Variants in HHIP observed in about 807,000 individuals in gnomAD.
HHIP encodes the protein hedgehog-interacting protein.
A neutral mutation model predicts 74.0 loss-of-function variants in HHIP; 12 were observed. That is an observed-to-expected ratio of 0.16 (90% CI 0.10 to 0.26). The LOEUF is 0.26. Ranked by LOEUF, HHIP falls within the 10% of genes least tolerant of loss-of-function variation. The probability of loss-of-function intolerance (pLI) is 1.00; values close to 1 mark genes in which losing one functional copy is unlikely to be tolerated. For missense variants in HHIP, 788 were observed against 845.0 expected, an observed-to-expected ratio of 0.93 and a Z score of 0.84; for synonymous variants, 309 against 311.6, an observed-to-expected ratio of 0.99 and a Z score of 0.09.
At chr4:144,667,835 A>C (rs1728919065) in intron 4 of HHIP, among the ~76,000 whole-genome samples, 1 of 152,174 alleles carries the variant, frequency 6.6e-6, no homozygotes, top group African/African-American at 2.4e-5. Flanking sequence ...GGATTTGCAA[A>C]GGAAATATAC....
chr4:144,694,657 T>C (rs1333357095), intron 4 of HHIP, among the ~76,000 whole-genome samples: 1 of 151,788 alleles, frequency 6.6e-6, no homozygotes, highest in Non-Finnish European at 1.5e-5. Flanking sequence ...AATATTGTGA[T>C]TTCTTTCTTC....
At chr4:144,686,559 A>G (rs926898667) in intron 4 of HHIP, among the ~76,000 whole-genome samples, 1 of 152,210 alleles carries the variant, frequency 6.6e-6, no homozygotes, top group Non-Finnish European at 1.5e-5. Flanking sequence ...AAATATTAAT[A>G]GTAAAACAAA....
Position 144,734,819 on chromosome 4 carries a change from A to C in HHIP, c.1839A>C (p.Arg613=). 1 of 1,613,182 alleles carries C rather than the reference A, an allele frequency of 6.2e-7. No individual in the cohort carries two copies. The highest frequency in any genetic ancestry group is 8.5e-7 in the Non-Finnish European group (1 of 1,179,342). Residue 613 remains arginine, a synonymous_variant, in exon 12 of 13, where the codon CGA becomes CGC. Transcript: ENST00000296575. ...TLTSECSRLC[R]NGYCTPTGKC... ...CTTCAGAGTGCTCCAGGCTCTGTCG[A>C]AACGGCTACTGCACCCCCACGGGAA...
chr4:144,729,886 C>T (rs1327983326), intron 11 of HHIP, among the ~76,000 whole-genome samples: 1 of 152,144 alleles, frequency 6.6e-6, no homozygotes, highest in Non-Finnish European at 1.5e-5. Context: ...GGACACCTCA[C>T]AAAAATTTCA....
intron 2 of HHIP, among the ~76,000 whole-genome samples, chr4:144,657,660 A>G (rs540817923): frequency 6.6e-6 from 1 of 152,330 alleles, no homozygotes; most frequent in Admixed American, 6.5e-5. Flanking sequence ...TTCATATTCA[A>G]AGATAGCTGT....
rs965622134 is a variant in HHIP, at chr4:144,738,490, A to G, written c.*533A>G. ...TAAAATTGTAATCTTCATTTTTGTCAGTGTATCCAGTTACAGAATGCTACA... is the reference window on the plus strand; with the variant it reads ...TAAAATTGTAATCTTCATTTTTGTCGGTGTATCCAGTTACAGAATGCTACA... On this transcript the variant is annotated 3_prime_UTR_variant, in exon 13 of 13. Transcript: ENST00000296575. 6.1e-6 allele frequency: 6 copies of G among 981,844 alleles called. No homozygotes were observed. The allele number at this position is 981,844 out of a possible 1,614,324, so 60.8% of individuals were successfully genotyped here. A position where few individuals can be genotyped will look rare whatever the true frequency, so the allele number is the denominator to read the frequency against.
chr4:144,734,902 G>C lies in HHIP; in HGVS notation c.1909+13G>C, dbSNP rs1472173. 3.9e-3 allele frequency: 6,235 copies of C among 1,592,380 alleles called. 205 individuals carry two copies. In the African/African-American group the frequency reaches 0.071, roughly 18 times the overall value. On this transcript the variant is annotated intron_variant, in intron 12 of 12. Coordinates refer to ENST00000296575, the MANE Select transcript of HHIP (RefSeq NM_022475.3). ...TTCTGCAGAACTGGTTAGTATTTCTGTTTTCACCTGAAAAGGACTGGGGAT... is the reference window on the plus strand; with the variant it reads ...TTCTGCAGAACTGGTTAGTATTTCTCTTTTCACCTGAAAAGGACTGGGGAT...
intron 11 of HHIP, among the ~76,000 whole-genome samples, chr4:144,723,177 T>C (rs1454830866): frequency 1.1e-4 from 17 of 152,170 alleles, no homozygotes; most frequent in Admixed American, 7.9e-4. Context: ...TCTTGCTATA[T>C]TTTAACATAT....
intron 11 of HHIP, among the ~76,000 whole-genome samples, chr4:144,722,292 C>T (rs1733151451): frequency 6.6e-6 from 1 of 152,148 alleles, no homozygotes; most frequent in South Asian, 2.1e-4. Flanking sequence ...TCTAAATCTT[C>T]CTTAGTGTAG....
At chr4:144,702,149 T>C (rs1340969452) in intron 4 of HHIP, among the ~76,000 whole-genome samples, 2 of 152,092 alleles carry the variant, frequency 1.3e-5, no homozygotes, top group Admixed American at 6.5e-5. Flanking sequence ...TGAAACCATG[T>C]ATAAAAAAAG....
At chr4:144,724,135 A>C (rs1248023076) in intron 11 of HHIP, among the ~76,000 whole-genome samples, 1 of 152,236 alleles carries the variant, frequency 6.6e-6, no homozygotes, top group Non-Finnish European at 1.5e-5. Context: ...AGATGGTAGC[A>C]GCCTGAGTAT....
chr4:144,718,926 GA>G lies in HHIP; in HGVS notation c.1734del (p.Lys578AsnfsTer6). The G allele has an allele frequency of 6.2e-7, 1 of 1,608,464 alleles. No homozygotes were observed. Among genetic ancestry groups the G allele is most frequent in the Non-Finnish European group, 8.5e-7 (1 of 1,175,246 alleles). On this transcript the variant is annotated frameshift_variant, in exon 11 of 13. Coordinates refer to ENST00000296575, the MANE Select transcript of HHIP (RefSeq NM_022475.3). LOFTEE classifies it high-confidence loss of function. ...SSKSMTQTHNGKLYKIVDPKR... is the reference protein window; with the variant it reads ...SSKSMTQTHNXKLYKIVDPKR... Reference sequence around the variant, plus strand: ...AAAAGTATGACCCAGACTCACAATGGAAAACTCTACAAAATTGTAGATCCCA... The same window carrying G: ...AAAAGTATGACCCAGACTCACAATGGAAACTCTACAAAATTGTAGATCCCA...
intron 9 of HHIP, 124 bp downstream of exon 9, chr4:144,714,472 A>G (rs761945192): frequency 2.0e-5 from 18 of 904,820 alleles, no homozygotes; most frequent in Non-Finnish European, 2.9e-5. Flanking sequence ...GAATACACAT[A>G]AATATTATTT....
intron 7 of HHIP, among the ~76,000 whole-genome samples, chr4:144,711,404 T>C (rs530242956): frequency 6.6e-6 from 1 of 152,098 alleles, no homozygotes; most frequent in Non-Finnish European, 1.5e-5. Context: ...ACATGTGCCA[T>C]GGTAGTTTGC....
chr4:144,709,978 G>A (rs572714302), intron 7 of HHIP, among the ~76,000 whole-genome samples: 1 of 152,106 alleles, frequency 6.6e-6, no homozygotes, highest in Non-Finnish European at 1.5e-5. Context: ...TTCACTCTTG[G>A]TGTTGTGAAT....
chr4:144,646,894 C>T lies in HHIP; in HGVS notation c.219C>T (p.Tyr73=). The change falls in exon 1 of 13, where the codon TAC becomes TAT. Residue 73 remains tyrosine, a synonymous_variant. Transcript: ENST00000296575. ...SGGEMLCGGF[Y]PRLSCCLRSD... is the part of the protein sequence containing the mutation. ...GAGAGATGCTGTGCGGTGGCTTCTA[C>T]CCTCGGCTGTCCTGCTGCCTGCGGA... 6.2e-7 allele frequency: 1 copy of T among 1,614,118 alleles called. No individual in the cohort carries two copies. Among genetic ancestry groups the T allele is most frequent in the Non-Finnish European group, 8.5e-7 (1 of 1,179,994 alleles).
intron 4 of HHIP, among the ~76,000 whole-genome samples, chr4:144,678,847 C>T (rs752125588): frequency 1.6e-4 from 24 of 152,170 alleles, no homozygotes; most frequent in African/African-American, 5.6e-4. Context: ...AATAAACATA[C>T]GTGTGCATGT....
At chr4:144,672,395 G>C (rs760123112) in intron 4 of HHIP, among the ~76,000 whole-genome samples, 4 of 152,154 alleles carry the variant, frequency 2.6e-5, no homozygotes, top group African/African-American at 4.8e-5. Flanking sequence ...AGGGAAACAG[G>C]GAAGCAAATT....
chr4:144,682,282 A>G (rs1393612381), intron 4 of HHIP, among the ~76,000 whole-genome samples: 1 of 152,214 alleles, frequency 6.6e-6, no homozygotes, highest in Non-Finnish European at 1.5e-5. Context: ...CGAGTAATAG[A>G]TTCCTTTAGG....
Sources: gnomAD v4.1 joint callset for allele counts (sites outside exome capture counted in the v4.1 genomes callset) on GRCh38, gnomAD v4.1.1 for gene constraint, MANE v1.5 for transcripts, NCBI Gene and HGNC (gene_info 2026-07-23, HGNC 2026-07-21) for gene names.